The following HYDIN variants were observed in gnomAD, a reference collection of about 807,000 sequenced individuals.
HYDIN encodes the protein axonemal central pair apparatus protein HYDIN.
In HYDIN, 132 loss-of-function variants were observed where a neutral mutation model predicts 403.9. The ratio of observed to expected loss-of-function variants is 0.33; its 90% CI spans 0.28 to 0.38. HYDIN has a LOEUF of 0.38. HYDIN is among the 10% of genes least tolerant of loss of function. HYDIN has a pLI of 1.00. For synonymous variants in HYDIN, 1,202 were observed against 1,891.7 expected, an observed-to-expected ratio of 0.64 and a Z score of 9.46; for missense variants, 2,827 against 5,009.5, an observed-to-expected ratio of 0.56 and a Z score of 13.15.
At chr16:71,022,637 G>A (rs917006) in intron 21 of HYDIN, among the ~76,000 whole-genome samples, 2 of 151,240 alleles carry the variant, frequency 1.3e-5, no homozygotes, top group African/African-American at 4.9e-5. Flanking sequence ...CATATGCTGG[G>A]TAATGAAGTT....
intron 21 of HYDIN, among the ~76,000 whole-genome samples, chr16:71,021,361 C>T (rs1424182000): frequency 6.6e-6 from 1 of 151,316 alleles, no homozygotes; most frequent in Non-Finnish European, 1.5e-5. Flanking sequence ...GGATTACAGG[C>T]ACGTGCCACC....
At position 70,883,911 on chromosome 16, in the gene HYDIN, G is replaced by A. The variant is rs2143694697; in HGVS notation, c.9979+9C>T. 1 of 1,612,796 alleles carries A rather than the reference G, an allele frequency of 6.2e-7. No homozygotes were observed. Among genetic ancestry groups the A allele is most frequent in the Non-Finnish European group, 8.5e-7 (1 of 1,179,810 alleles). On this transcript the variant is annotated intron_variant, in intron 59 of 85. Transcript: ENST00000393567. ...TTAAGTGGTGCTGTCCAATGTGAGT[G>A]GTCAGTACCTGGTAGACAGGCTTCA...
chr16:70,806,680 G>A lies in HYDIN; in HGVS notation c.*900C>T, dbSNP rs944468895. On this transcript the variant is annotated 3_prime_UTR_variant, in exon 86 of 86. Coordinates refer to ENST00000393567, the MANE Select transcript of HYDIN (RefSeq NM_001270974.2). Reference sequence around the variant, plus strand: ...GGAGGGCTGTGGGGGATGAGTGTGGGGAGCAGGTAGAGGCAGGGGGACCCT... The same window carrying A: ...GGAGGGCTGTGGGGGATGAGTGTGGAGAGCAGGTAGAGGCAGGGGGACCCT... Among the ~76,000 whole-genome samples, 1 of 152,158 alleles carries A rather than the reference G, an allele frequency of 6.6e-6. No individual in the cohort carries two copies. The highest frequency in any genetic ancestry group is 1.5e-5 in the Non-Finnish European group (1 of 68,028).
At chr16:71,001,793 G>A (rs1261270670) in intron 23 of HYDIN, among the ~76,000 whole-genome samples, 2 of 151,590 alleles carry the variant, frequency 1.3e-5, no homozygotes, top group Non-Finnish European at 2.9e-5. Flanking sequence ...CCTGGAGGGA[G>A]GATTCCTGGG....
intron 75 of HYDIN, among the ~76,000 whole-genome samples, chr16:70,841,266 G>A (rs931529509): frequency 6.6e-6 from 1 of 152,108 alleles, no homozygotes; most frequent in Non-Finnish European, 1.5e-5. Context: ...CAATGAAAAG[G>A]ATGTAAATTT....
chr16:71,169,961 A>G (rs1160685148), intron 5 of HYDIN, among the ~76,000 whole-genome samples: 1 of 152,216 alleles, frequency 6.6e-6, no homozygotes, highest in Non-Finnish European at 1.5e-5. Context: ...TCAATTACAA[A>G]TAATTATTTT....
chr16:70,902,004 G>A (rs1171880008), intron 52 of HYDIN, among the ~76,000 whole-genome samples: 7 of 150,048 alleles, frequency 4.7e-5, no homozygotes, highest in Admixed American at 4.0e-4. Flanking sequence ...GTGTTTCATT[G>A]AAAAAAAAAT....
chr16:70,929,845 G>T (rs142098708), intron 45 of HYDIN, among the ~76,000 whole-genome samples: 294 of 146,906 alleles, frequency 2.0e-3, no homozygotes, highest in African/African-American at 7.0e-3. Flanking sequence ...AACTTTCGGG[G>T]GCTCTCACGT....
chr16:70,982,086 C>A (rs1404310190), intron 28 of HYDIN, among the ~76,000 whole-genome samples: 1 of 148,404 alleles, frequency 6.7e-6, no homozygotes, highest in Admixed American at 6.7e-5. Flanking sequence ...CGAGATCGCG[C>A]CACTGCACTC....
rs931237278 is a variant in HYDIN at position 70,970,526 on chromosome 16, T to A, written c.5613A>T (p.Glu1871Asp). 4 of 1,574,922 alleles carry A rather than the reference T, an allele frequency of 2.5e-6. No individual in the cohort carries two copies. Among genetic ancestry groups the A allele is most frequent in the Non-Finnish European group, 3.5e-6 (4 of 1,153,920 alleles). The part of the protein sequence containing the change: ...SLEFDQQYLI[E>D]EKILRKLKGY... ...TGGTTTGACCTCTGCTCACCTTTTC[T>A]TCTATGAGATACTGCTGATCAAATT... Residue 1871 changes from glutamate to aspartate, a missense_variant, in exon 36 of 86, where the codon GAA becomes GAT. Physicochemically the swap from Glu to Asp is conservative, Grantham distance 45 (BLOSUM62 2). Transcript: ENST00000393567.
intron 75 of HYDIN, among the ~76,000 whole-genome samples, chr16:70,848,958 C>T (rs2038415874): frequency 6.7e-6 from 1 of 150,094 alleles, no homozygotes; most frequent in Non-Finnish European, 1.5e-5. Context: ...CAGTCAGCTG[C>T]AGTGTTAAAC....
chr16:70,951,281 G>GAGAGAGAGAGAGA (rs1567892472), intron 41 of HYDIN, among the ~76,000 whole-genome samples: 9 of 95,950 alleles, frequency 9.4e-5, no homozygotes, highest in African/African-American at 3.0e-4. Context: ...AGAGAGAGAG[G>GAGAGAGAGAGAGA]GAGAGAGGGA....
intron 23 of HYDIN, among the ~76,000 whole-genome samples, chr16:71,012,321 C>T (rs549131412): frequency 1.3e-5 from 2 of 152,360 alleles, no homozygotes; most frequent in South Asian, 4.1e-4. Context: ...TCATTACATG[C>T]AGATGTGGGA....
Position 71,069,486 on chromosome 16 carries a change from C to G in HYDIN, c.1755G>C (p.Leu585Phe). The G allele has an allele frequency of 1.9e-6, 3 of 1,613,378 alleles. No homozygotes were observed. The highest frequency in any genetic ancestry group is 2.5e-6 in the Non-Finnish European group (3 of 1,179,566). ...GDVSFGFPHT[L>F]ICSLNNTSLI... ...AAGAGGTATTATTGAGGGAACATATCAAGGTATGAGGAAACCCTGGAAAAC... is the reference window on the plus strand; with the variant it reads ...AAGAGGTATTATTGAGGGAACATATGAAGGTATGAGGAAACCCTGGAAAAC... The change falls in exon 14 of 86, where the codon TTG becomes TTC. Residue 585 changes from leucine to phenylalanine, a missense_variant. By Grantham distance (22) the Leu-to-Phe change is conservative. Coordinates refer to ENST00000393567, the MANE Select transcript of HYDIN (RefSeq NM_001270974.2).
intron 6 of HYDIN, among the ~76,000 whole-genome samples, chr16:71,161,418 G>A (rs540586895): frequency 2.6e-4 from 40 of 152,330 alleles, no homozygotes; most frequent in Admixed American, 2.3e-3. Flanking sequence ...TTCATGGCCC[G>A]GGGGTTGGGG....
Position 70,863,152 on chromosome 16 carries a change from C to T in HYDIN, c.11502G>A (p.Gln3834=). The change falls in exon 68 of 86, where the codon CAG becomes CAA. Residue 3834 remains glutamine, a synonymous_variant. Coordinates refer to ENST00000393567, the MANE Select transcript of HYDIN (RefSeq NM_001270974.2). ...EFDVINSGRV[Q]LEFSWVSEDT... is the part of the protein sequence containing the mutation. ...CTTCTGAGACCCAGCTGAATTCCAG[C>T]TGGACACGTCCTGAATTAATCACAT... 1 of 1,614,020 alleles carries T rather than the reference C, an allele frequency of 6.2e-7. No individual in the cohort carries two copies. Among genetic ancestry groups the T allele is most frequent in the Non-Finnish European group, 8.5e-7 (1 of 1,179,960 alleles).
chr16:70,984,858 G>A (rs1157210383), intron 28 of HYDIN, among the ~76,000 whole-genome samples: 2 of 151,080 alleles, frequency 1.3e-5, no homozygotes, highest in Non-Finnish European at 2.9e-5. Context: ...CAGTGGAGAG[G>A]AAGCCCTCGG....
intron 83 of HYDIN, 29 bp from the exon 84 acceptor site, chr16:70,818,601 G>A (rs1223456570): frequency 2.6e-6 from 2 of 763,936 alleles, no homozygotes; most frequent in Admixed American, 2.0e-5. Flanking sequence ...AGGGAGGAAG[G>A]AGGGAAGAGT....
At chr16:70,925,307 C>A (rs2077115868) in intron 45 of HYDIN, among the ~76,000 whole-genome samples, 1 of 152,214 alleles carries the variant, frequency 6.6e-6, no homozygotes, top group Non-Finnish European at 1.5e-5. Context: ...CAAGCAAGAC[C>A]CCTATCTTTA....
Sources: gnomAD v4.1 joint callset for allele counts (sites outside exome capture counted in the v4.1 genomes callset) on GRCh38, gnomAD v4.1.1 for gene constraint, MANE v1.5 for transcripts, NCBI Gene and HGNC (gene_info 2026-07-23, HGNC 2026-07-21) for gene names.